ARIH2: variants seen among roughly 807,000 people sequenced by gnomAD.
ARIH2 encodes the protein ariadne RBR E3 ubiquitin protein ligase 2, also known as E3 ubiquitin-protein ligase ARIH2.
ARIH2 carries 12 observed loss-of-function variants against 79.8 expected under a neutral mutation model. That is an observed-to-expected ratio of 0.15 (90% confidence interval 0.10 to 0.24). The LOEUF is 0.24. Ranked by LOEUF, ARIH2 falls within the 10% of genes least tolerant of loss-of-function variation. ARIH2 has a pLI of 1.00. For synonymous variants in ARIH2, 224 were observed against 213.9 expected (o/e 1.05, Z -0.41); for missense variants, 301 against 618.3 (o/e 0.49, Z 5.44).
At chr3:48,969,073 G>A (rs369131209) in intron 7 of ARIH2, among the ~76,000 whole-genome samples, 54 of 152,094 alleles carry the variant, frequency 3.6e-4, no homozygotes, top group African/African-American at 1.2e-3. Flanking sequence ...TAGTAGAGAC[G>A]GGGTTTCACC....
At chr3:48,935,022 A>G in intron 3 of ARIH2, 2 of 851,858 alleles carry the variant, frequency 2.3e-6, no homozygotes, top group Non-Finnish European at 2.8e-6. Context: ...TTTTGTCAAG[A>G]TGTTACTACA....
chr3:48,935,283 A>G (rs916755984), intron 3 of ARIH2, among the ~76,000 whole-genome samples: 1 of 152,274 alleles, frequency 6.6e-6, no homozygotes, highest in African/African-American at 2.4e-5. Flanking sequence ...TTGCATTATA[A>G]TAATCAGTAG....
At chr3:48,923,305 C>T (rs2085085218) in intron 2 of ARIH2, among the ~76,000 whole-genome samples, 1 of 151,460 alleles carries the variant, frequency 6.6e-6, no homozygotes, top group African/African-American at 2.4e-5. Flanking sequence ...GAGACTGAGG[C>T]AGGAGAATTG....
chr3:48,973,116 G>T (rs2092327513), intron 8 of ARIH2, among the ~76,000 whole-genome samples: 3 of 152,194 alleles, frequency 2.0e-5, no homozygotes, highest in African/African-American at 7.2e-5. Context: ...GTAGGTAAAG[G>T]TTCCACAAGC....
At chr3:48,940,321 G>T (rs1264484099) in intron 3 of ARIH2, among the ~76,000 whole-genome samples, 1 of 152,150 alleles carries the variant, frequency 6.6e-6, no homozygotes, top group Non-Finnish European at 1.5e-5. Flanking sequence ...GGTGAGCCCA[G>T]ATTTTAAAAA....
chr3:48,944,322 A>G (rs570093576), intron 3 of ARIH2, among the ~76,000 whole-genome samples: 5 of 152,292 alleles, frequency 3.3e-5, no homozygotes, highest in African/African-American at 1.2e-4. Flanking sequence ...AGGAATGATT[A>G]CGTTAGTATT....
Position 48,918,872 on chromosome 3 carries a change from G to A in ARIH2, c.-288G>A. 6.2e-7 allele frequency: 1 copy of A among 1,609,718 alleles called. No individual in the cohort carries two copies. Among genetic ancestry groups the A allele is most frequent in the African/African-American group, 1.3e-5 (1 of 75,052 alleles). On this transcript the variant is annotated 5_prime_UTR_variant, in exon 1 of 16. Transcript: ENST00000356401. ...TGTGGGGACGACTCTTCTGGAGGAAGCAGCGCGGGCTTGACCGGCGTCGGC... is the reference window on the plus strand; with the variant it reads ...TGTGGGGACGACTCTTCTGGAGGAAACAGCGCGGGCTTGACCGGCGTCGGC...
intron 3 of ARIH2, among the ~76,000 whole-genome samples, chr3:48,957,516 G>A (rs1319052156): frequency 5.9e-5 from 9 of 152,108 alleles, no homozygotes; most frequent in Non-Finnish European, 1.0e-4. Context: ...TGTTGGACAT[G>A]GTCAGAATTC....
chr3:48,974,150 C>A (rs2092387538), intron 9 of ARIH2, among the ~76,000 whole-genome samples: 2 of 152,206 alleles, frequency 1.3e-5, no homozygotes, highest in African/African-American at 4.8e-5. Context: ...ACACTTGATA[C>A]ATATAAGGCT....
Position 48,958,350 on chromosome 3 carries a change from T to C in ARIH2, c.256-3262T>C, listed in dbSNP as rs1005507501. ...AAACAGAACAAAAAACTGTTGTGCT[T>C]ATCAGTAGTAGGATCGTGTCTGTGA... On this transcript the variant is annotated intron_variant, in intron 3 of 15. Transcript: ENST00000356401. Among the ~76,000 whole-genome samples the C allele has an allele frequency of 2.6e-5, 4 of 152,224 alleles. No individual in the cohort carries two copies. In the South Asian group the frequency reaches 6.2e-4, roughly 24 times the overall value.
At chr3:48,931,905 A>G (rs1432067531) in intron 3 of ARIH2, among the ~76,000 whole-genome samples, 1 of 152,146 alleles carries the variant, frequency 6.6e-6, no homozygotes, top group Non-Finnish European at 1.5e-5. Flanking sequence ...GCTACTCAGG[A>G]GGCTGAGGCA....
intron 3 of ARIH2, among the ~76,000 whole-genome samples, chr3:48,956,772 C>T (rs534356463): frequency 6.6e-6 from 1 of 151,860 alleles, no homozygotes; most frequent in East Asian, 1.9e-4. Flanking sequence ...GATCTCGGCT[C>T]ACTGCAACCT....
At chr3:48,971,102 A>G (rs1487859076) in intron 8 of ARIH2, among the ~76,000 whole-genome samples, 2 of 152,220 alleles carry the variant, frequency 1.3e-5, no homozygotes, top group Admixed American at 6.5e-5. Context: ...TCATAAATAT[A>G]TTCTACATCT....
In ARIH2 at chr3:48,929,968, G is replaced by A. The variant is rs142522469; in HGVS notation, c.255+2155G>A. Among the ~76,000 whole-genome samples, 777 of 152,338 alleles carry A rather than the reference G, an allele frequency of 5.1e-3. 3 individuals carry two copies. The highest frequency in any genetic ancestry group is 0.024 in the Middle Eastern group (7 of 294). On this transcript the variant is annotated intron_variant, in intron 3 of 15. Transcript: ENST00000356401. Reference sequence around the variant, plus strand: ...GAGGGAATAAATAAGAGAAGGAAGAGAGTTGAAACAGTATGAAAGGGTTAA... The same window carrying A: ...GAGGGAATAAATAAGAGAAGGAAGAAAGTTGAAACAGTATGAAAGGGTTAA...
chr3:48,929,980 T>C (rs1032680581), intron 3 of ARIH2, among the ~76,000 whole-genome samples: 1 of 152,130 alleles, frequency 6.6e-6, no homozygotes. Flanking sequence ...GTTGAAACAG[T>C]ATGAAAGGGT....
At chr3:48,974,645 T>G (rs1263166264) in intron 9 of ARIH2, 172 bp from the exon 10 acceptor site, 10 of 665,298 alleles carry the variant, frequency 1.5e-5, no homozygotes, top group Non-Finnish European at 1.9e-5. Context: ...TGACCTCATT[T>G]CCTTGAATTG....
intron 3 of ARIH2, chr3:48,944,994 A>T: frequency 3.6e-6 from 2 of 562,292 alleles, no homozygotes; most frequent in Non-Finnish European, 5.9e-6. Context: ...AGTGACCACT[A>T]GTGTTTGTTA....
intron 3 of ARIH2, among the ~76,000 whole-genome samples, chr3:48,949,397 G>A (rs553774094): frequency 2.0e-5 from 3 of 152,272 alleles, no homozygotes; most frequent in East Asian, 1.9e-4. Flanking sequence ...GTGAGCCATC[G>A]TGCCCAGCCG....
chr3:48,973,226 G>C (rs769336959), intron 8 of ARIH2, among the ~76,000 whole-genome samples: 1 of 152,152 alleles, frequency 6.6e-6, no homozygotes, highest in Non-Finnish European at 1.5e-5. Context: ...GGCAGATCTC[G>C]AGGTCAAGAG....
Sources: gnomAD v4.1 joint callset for allele counts (sites outside exome capture counted in the v4.1 genomes callset) on GRCh38, gnomAD v4.1.1 for gene constraint, MANE v1.5 for transcripts, NCBI Gene and HGNC (gene_info 2026-07-23, HGNC 2026-07-21) for gene names.